The following VRK1 variants were observed in gnomAD, a reference collection of about 807,000 sequenced individuals.
The protein encoded by VRK1 is VRK serine/threonine kinase 1.
A neutral mutation model predicts 57.1 loss-of-function variants in VRK1; 33 were observed. That is an observed-to-expected ratio of 0.58 (90% confidence interval 0.44 to 0.77). VRK1 has a LOEUF of 0.77. Ranked by LOEUF, VRK1 falls within the 30% of genes least tolerant of loss-of-function variation. The probability of loss-of-function intolerance (pLI) is 0.00; values close to 1 mark genes in which losing one functional copy is unlikely to be tolerated. For missense variants in VRK1, 413 were observed against 477.3 expected (o/e 0.87, Z 1.25); for synonymous variants, 137 against 147.8 (o/e 0.93, Z 0.53).
At chr14:96,873,276 G>A (rs1230005046) in intron 11 of VRK1, among the ~76,000 whole-genome samples, 1 of 152,010 alleles carries the variant, frequency 6.6e-6, no homozygotes, top group African/African-American at 2.4e-5. Flanking sequence ...GTCTCCAATC[G>A]GTGTTTAGAC....
intron 10 of VRK1, among the ~76,000 whole-genome samples, chr14:96,857,084 T>C (rs943127168): frequency 2.0e-5 from 3 of 152,204 alleles, no homozygotes; most frequent in African/African-American, 7.2e-5. Flanking sequence ...TAGTAAATAT[T>C]GAGGCTTTAT....
At chr14:96,853,766 C>T (rs2139797950) in intron 7 of VRK1, among the ~76,000 whole-genome samples, 1 of 152,088 alleles carries the variant, frequency 6.6e-6, no homozygotes, top group Admixed American at 6.5e-5. Context: ...GGGATCTATA[C>T]AATTTTCCTG....
chr14:96,830,087 T>G (rs1445180597), intron 1 of VRK1, among the ~76,000 whole-genome samples: 1 of 152,178 alleles, frequency 6.6e-6, no homozygotes, highest in East Asian at 1.9e-4. Context: ...GTTAAAGTGA[T>G]GACAATTTGA....
At chr14:96,835,460 T>C (rs2139753179) in intron 2 of VRK1, among the ~76,000 whole-genome samples, 1 of 152,312 alleles carries the variant, frequency 6.6e-6, no homozygotes, top group Middle Eastern at 3.4e-3. Flanking sequence ...ATATATTCTT[T>C]CTGAGTGATA....
chr14:96,879,243 GT>G (rs1263362915), intron 12 of VRK1, among the ~76,000 whole-genome samples: 2 of 151,314 alleles, frequency 1.3e-5, no homozygotes, highest in African/African-American at 4.8e-5. Flanking sequence ...AGATAAGGTA[GT>G]TTTTTTTGTA....
intron 11 of VRK1, among the ~76,000 whole-genome samples, chr14:96,870,261 A>G (rs1328337048): frequency 6.6e-6 from 1 of 152,200 alleles, no homozygotes; most frequent in African/African-American, 2.4e-5. Flanking sequence ...CAGGGCTGTG[A>G]AATCATTATT....
At chr14:96,807,444 T>C (rs1255198651) in intron 1 of VRK1, among the ~76,000 whole-genome samples, 1 of 152,244 alleles carries the variant, frequency 6.6e-6, no homozygotes, top group Non-Finnish European at 1.5e-5. Context: ...ACCACATTGG[T>C]GGCTTTCCTC....
At chr14:96,846,771 TAAA>T (rs2139780842) in intron 4 of VRK1, among the ~76,000 whole-genome samples, 1 of 150,430 alleles carries the variant, frequency 6.6e-6, no homozygotes, top group Admixed American at 6.6e-5. Flanking sequence ...ATAATACAAA[TAAA>T]AAACTAGTAC....
chr14:96,808,052 T>TGTGC (rs1885979669), intron 1 of VRK1, among the ~76,000 whole-genome samples: 1 of 141,616 alleles, frequency 7.1e-6, no homozygotes, highest in African/African-American at 2.6e-5. Context: ...TGTGTGTGTG[T>TGTGC]GTGCATGTGA....
At chr14:96,859,926 G>C (rs370551323) in intron 10 of VRK1, among the ~76,000 whole-genome samples, 1 of 152,188 alleles carries the variant, frequency 6.6e-6, no homozygotes, top group African/African-American at 2.4e-5. Flanking sequence ...AAAGGTCTGT[G>C]TGTGAGTCAT....
rs1273632017 is a variant in VRK1, at chr14:96,855,712, T to TAGC, written c.709+356_709+357insAGC. On this transcript the variant is annotated intron_variant, in intron 8 of 12. Transcript: ENST00000216639. ...AACTTTGTAACAGCTAACTTTTATT[T>TAGC]TGTTACCTGTTAAGTTAGTTTATTT... Among the ~76,000 whole-genome samples, 7 of 152,198 alleles carry TAGC rather than the reference T, an allele frequency of 4.6e-5. No individual in the cohort carries two copies. The East Asian group carries it at 1.2e-3, about 25-fold the overall frequency.
chr14:96,806,811 T>G (rs1885898338), intron 1 of VRK1, among the ~76,000 whole-genome samples: 2 of 152,004 alleles, frequency 1.3e-5, no homozygotes, highest in Non-Finnish European at 1.5e-5. Context: ...CTTCCCATCA[T>G]TCCCCTCCCT....
chr14:96,797,932 G>A (rs758300441), intron 1 of VRK1, among the ~76,000 whole-genome samples: 7 of 152,256 alleles, frequency 4.6e-5, no homozygotes, highest in Non-Finnish European at 8.8e-5. Context: ...GGGACAGGCA[G>A]TTGCGGGCTA....
chr14:96,821,790 T>C (rs1199329400), intron 1 of VRK1, among the ~76,000 whole-genome samples: 2 of 152,204 alleles, frequency 1.3e-5, no homozygotes, highest in African/African-American at 4.8e-5. Context: ...ACCTCTGTGC[T>C]TCTTTACATC....
chr14:96,881,544 A>G lies in VRK1; in HGVS notation c.*336A>G. On this transcript the variant is annotated 3_prime_UTR_variant, in exon 13 of 13. Transcript: ENST00000216639. ...CTCAGAGTGGATAAAAATGTTTGAC[A>G]AAGTCCTCACTTTTAAGGAAATGCA... 9.7e-6 allele frequency: 2 copies of G among 206,936 alleles called. No homozygotes were observed. Among genetic ancestry groups the G allele is most frequent in the Non-Finnish European group, 1.9e-5 (2 of 103,524 alleles). 12.8% of individuals were successfully genotyped at this position (206,936 alleles called of 1,614,324 possible).
chr14:96,839,245 A>G (rs1408699254), intron 3 of VRK1, among the ~76,000 whole-genome samples: 1 of 152,164 alleles, frequency 6.6e-6, no homozygotes, highest in African/African-American at 2.4e-5. Flanking sequence ...GTTTCATTTT[A>G]TTGCTCTCTT....
chr14:96,846,841 A>G (rs559893865), intron 4 of VRK1, among the ~76,000 whole-genome samples: 36 of 152,164 alleles, frequency 2.4e-4, no homozygotes, highest in African/African-American at 8.7e-4. Flanking sequence ...TAATCTAGAG[A>G]TGAGATAAAG....
intron 1 of VRK1, among the ~76,000 whole-genome samples, chr14:96,815,372 A>G (rs1886353371): frequency 1.3e-5 from 2 of 152,184 alleles, no homozygotes; most frequent in African/African-American, 2.4e-5. Flanking sequence ...GTTATTTAAA[A>G]AGAGAAAACA....
Position 96,856,254 on chromosome 14 carries a change from A to C in VRK1, c.830+4A>C. ...ATGTTAGAGATTCCAAAATTAGGTA[A>C]AGGAAAACTTAAGTTATTTCTAGCA... On this transcript the variant is annotated splice_donor_region_variant and intron_variant, in intron 9 of 12. Coordinates refer to ENST00000216639, the MANE Select transcript of VRK1 (RefSeq NM_003384.3). 1 of 1,612,598 alleles carries C rather than the reference A, an allele frequency of 6.2e-7. No homozygotes were observed. The highest frequency in any genetic ancestry group is 8.5e-7 in the Non-Finnish European group (1 of 1,179,626).
Sources: allele counts gnomAD v4.1 joint callset (sites outside exome capture counted in the v4.1 genomes callset), GRCh38; gene constraint gnomAD v4.1.1; transcripts MANE v1.5; gene names NCBI Gene and HGNC (gene_info 2026-07-23, HGNC 2026-07-21).